FDFT1: variants seen among roughly 807,000 people sequenced by gnomAD.
FDFT1 encodes farnesyl-diphosphate farnesyltransferase 1.
FDFT1 carries 68 observed loss-of-function variants against 46.8 expected under a neutral mutation model. The ratio of observed to expected loss-of-function variants is 1.45; its 90% confidence interval spans 1.19 to 1.78. FDFT1 has a LOEUF of 1.78. FDFT1 is among the 40% of genes most tolerant of loss of function. The probability of loss-of-function intolerance (pLI) is 0.00; values close to 1 mark genes in which losing one functional copy is unlikely to be tolerated. For synonymous variants in FDFT1, 351 were observed against 185.1 expected (o/e 1.90, Z -7.28); for missense variants, 928 against 524.4 (o/e 1.77, Z -7.52).
At chr8:11,814,062 G>T (rs1432101026) in intron 3 of FDFT1, among the ~76,000 whole-genome samples, 1 of 152,206 alleles carries the variant, frequency 6.6e-6, no homozygotes, top group Admixed American at 6.5e-5. Flanking sequence ...TTTTGGAGGA[G>T]TCTAAGCTCC....
At chr8:11,824,716 G>T (rs541598818) in intron 4 of FDFT1, among the ~76,000 whole-genome samples, 76 of 152,256 alleles carry the variant, frequency 5.0e-4, no homozygotes, top group African/African-American at 1.7e-3. Context: ...TGTGAGGATT[G>T]AATGTGCAGA....
intron 1 of FDFT1, chr8:11,808,334 C>G: frequency 8.1e-7 from 1 of 1,228,870 alleles, no homozygotes; most frequent in Non-Finnish European, 1.0e-6. Flanking sequence ...AGGGCAACAG[C>G]GGGAGGAGGC....
intron 1 of FDFT1, chr8:11,796,058 C>T (rs577389833): frequency 6.6e-6 from 1 of 152,282 alleles, no homozygotes; most frequent in East Asian, 1.9e-4. Flanking sequence ...TGATAACTGA[C>T]ATTGTGAAAA....
chr8:11,826,667 T>G (rs1191704632), intron 5 of FDFT1, among the ~76,000 whole-genome samples: 1 of 151,988 alleles, frequency 6.6e-6, no homozygotes, highest in Admixed American at 6.6e-5. Context: ...ATACAAAAAT[T>G]AGCCGGGCGT....
intron 1 of FDFT1, chr8:11,803,741 C>G (rs1806446283): frequency 5.0e-6 from 1 of 199,586 alleles, no homozygotes; most frequent in Non-Finnish European, 1.1e-5. Flanking sequence ...CAGGCCGAGG[C>G]TTGATAGGTG....
chr8:11,835,130 C>G (rs538519419), intron 7 of FDFT1, among the ~76,000 whole-genome samples: 30 of 152,148 alleles, frequency 2.0e-4, no homozygotes, highest in Non-Finnish European at 3.7e-4. Flanking sequence ...TTCTCAAACC[C>G]CTCAAGTATT....
chr8:11,810,181 C>A (rs929065883), intron 3 of FDFT1, among the ~76,000 whole-genome samples: 1 of 151,674 alleles, frequency 6.6e-6, no homozygotes. Context: ...AGAATGTTAG[C>A]TACTGCTGTT....
chr8:11,810,066 A>G, intron 3 of FDFT1: 1 of 517,992 alleles, frequency 1.9e-6, no homozygotes, highest in Non-Finnish European at 3.4e-6. Flanking sequence ...GTTACTTACA[A>G]AGACTCTCTG....
intron 4 of FDFT1, among the ~76,000 whole-genome samples, chr8:11,823,636 A>G (rs868821986): frequency 6.6e-6 from 1 of 152,066 alleles, no homozygotes. Context: ...ATGCAGTGGC[A>G]CAGACAAGGC....
Position 11,802,799 on chromosome 8 carries a change from G to T in FDFT1, c.-34G>T. On this transcript the variant is annotated 5_prime_UTR_variant, in exon 1 of 8. Transcript: ENST00000220584. ...GAGCGCCTGGGGACCGCAGAGGTGA[G>T]AGTCGCGCCCGGGAGTCCGCCGCCT... 6.4e-7 allele frequency: 1 copy of T among 1,551,712 alleles called. No individual in the cohort carries two copies. Among genetic ancestry groups the T allele is most frequent in the African/African-American group, 1.4e-5 (1 of 73,722 alleles).
intron 5 of FDFT1, among the ~76,000 whole-genome samples, chr8:11,829,933 CG>C (rs1810540810): frequency 6.6e-6 from 1 of 151,688 alleles, no homozygotes; most frequent in Non-Finnish European, 1.5e-5. Context: ...CTGCAACCTC[CG>C]CCCCCTAGGT....
In FDFT1 at chr8:11,830,333, C is replaced by G; in HGVS notation, c.792C>G (p.Thr264=). The change falls in exon 6 of 8, where the codon ACC becomes ACG. Residue 264 remains threonine, a synonymous_variant. Transcript: ENST00000220584. ...TGCAGTGCCTGAATGAACTTATAAC[C>G]AATGCACTGCACCACATCCCAGATG... The part of the protein sequence containing the change: ...LAVQCLNELI[T]NALHHIPDVI... The G allele has an allele frequency of 1.2e-6, 2 of 1,613,144 alleles. No individual in the cohort carries two copies. The highest frequency in any genetic ancestry group is 1.7e-6 in the Non-Finnish European group (2 of 1,179,162).
At chr8:11,808,746 TC>T (rs753142509) in intron 1 of FDFT1, 47 bp from the exon 2 acceptor site, 18 of 1,594,638 alleles carry the variant, frequency 1.1e-5, no homozygotes, top group Non-Finnish European at 8.5e-6. Flanking sequence ...CCACTCCCAC[TC>T]CTGCTCCTCG....
chr8:11,833,738 G>A (rs1483704477), intron 7 of FDFT1, among the ~76,000 whole-genome samples: 1 of 152,150 alleles, frequency 6.6e-6, no homozygotes, highest in East Asian at 1.9e-4. Context: ...GCCGAGTTGA[G>A]GAGCTGCAAC....
Position 11,804,600 on chromosome 8 carries a change from CTTTT to C in FDFT1, c.99+1687_99+1690del, listed in dbSNP as rs5889385. 9.8e-3 allele frequency among the ~76,000 whole-genome samples: 953 copies of C among 97,328 alleles called. 8 individuals are homozygous for C. Among genetic ancestry groups the C allele is most frequent in the African/African-American group, 0.036 (903 of 25,324 alleles). 63.9% of individuals were successfully genotyped at this position (97,328 alleles called of 152,430 possible). A position where few individuals can be genotyped will look rare whatever the true frequency, so the allele number is the denominator to read the frequency against. Reference sequence around the variant, plus strand: ...TTCACTTAACATTATCTTAGTTTCTCTTTTTTTTTTTTTTTTTTTTTGAGATGGA... The same window carrying C: ...TTCACTTAACATTATCTTAGTTTCTCTTTTTTTTTTTTTTTTTGAGATGGA... On this transcript the variant is annotated intron_variant, in intron 1 of 7. Transcript: ENST00000220584.
chr8:11,803,329 C>CACATGAAGAA, intron 1 of FDFT1: 1 of 1,294,444 alleles, frequency 7.7e-7, no homozygotes, highest in Admixed American at 2.3e-5. Context: ...CAGATAACAT[C>CACATGAAGAA]ACATGAAGGC....
upstream of FDFT1, among the ~76,000 whole-genome samples, chr8:11,801,133 G>C (rs1048055665): frequency 6.6e-6 from 1 of 152,148 alleles, no homozygotes; most frequent in Non-Finnish European, 1.5e-5. Context: ...CCAGTATCTG[G>C]GGGATAGTGC....
chr8:11,825,659 C>T (rs1429337676), intron 4 of FDFT1, among the ~76,000 whole-genome samples: 3 of 145,670 alleles, frequency 2.1e-5, no homozygotes, highest in African/African-American at 2.6e-5. Flanking sequence ...TTGAGTCTAA[C>T]GTGGGCAAAT....
chr8:11,802,740 C>A, upstream of FDFT1: 1 of 977,618 alleles, frequency 1.0e-6, no homozygotes, highest in Non-Finnish European at 1.6e-6. Flanking sequence ...GCCAGCCCCT[C>A]GAAGCACCTA....
Sources: allele counts gnomAD v4.1 joint callset (sites outside exome capture counted in the v4.1 genomes callset), GRCh38; gene constraint gnomAD v4.1.1; transcripts MANE v1.5; gene names NCBI Gene and HGNC (gene_info 2026-07-23, HGNC 2026-07-21).